RIDA: variants seen among roughly 807,000 people sequenced by gnomAD.
The protein encoded by RIDA is 2-iminobutanoate/2-iminopropanoate deaminase.
Under a neutral mutation model 17.8 loss-of-function variants are expected in RIDA, and 17 were observed. That is an observed-to-expected ratio of 0.96 (90% CI 0.65 to 1.43). The LOEUF (loss-of-function observed/expected upper bound fraction) is 1.43, where lower values mean the gene tolerates loss of function less well. Among genes scored for constraint, RIDA ranks in the 40% most tolerant of loss-of-function variants. The probability of loss-of-function intolerance (pLI) is 0.00; values close to 1 mark genes in which losing one functional copy is unlikely to be tolerated. For synonymous variants in RIDA, 48 were observed against 55.7 expected (o/e 0.86, Z 0.62); for missense variants, 158 against 161.7 (o/e 0.98, Z 0.12).
At chr8:98,108,054 G>A (rs569485819) in intron 2 of RIDA, among the ~76,000 whole-genome samples, 5 of 151,994 alleles carry the variant, frequency 3.3e-5, no homozygotes, top group African/African-American at 1.2e-4. Flanking sequence ...ACAGGTGTGA[G>A]CCATTGTGCC....
intron 4 of RIDA, 41 bp downstream of exon 4, chr8:98,105,897 T>G (rs751779049): frequency 7.8e-7 from 1 of 1,281,202 alleles, no homozygotes; most frequent in South Asian, 1.2e-5. Context: ...GATTTCTTTC[T>G]TTTTAAAAAT....
intron 2 of RIDA, among the ~76,000 whole-genome samples, chr8:98,106,842 A>G (rs1277271791): frequency 1.3e-5 from 2 of 152,192 alleles, no homozygotes; most frequent in Non-Finnish European, 2.9e-5. Context: ...ATATTTCATT[A>G]TATTCTTGTG....
At position 98,109,071 on chromosome 8, in the gene RIDA, G is replaced by A. The variant is rs557447798; in HGVS notation, c.66-320C>T. ...CAGCCAAGTATGGTGACGCACACCCGTAGTCCCAGCTACTCAGGAGGCTAG... is the reference window on the plus strand; with the variant it reads ...CAGCCAAGTATGGTGACGCACACCCATAGTCCCAGCTACTCAGGAGGCTAG... On this transcript the variant is annotated intron_variant, in intron 1 of 5. Coordinates refer to ENST00000254878, the MANE Select transcript of RIDA (RefSeq NM_005836.3). Among the ~76,000 whole-genome samples the A allele has an allele frequency of 1.8e-3, 271 of 152,132 alleles. 1 individual carries two copies. The highest frequency in any genetic ancestry group is 3.0e-3 in the Non-Finnish European group (205 of 67,994).
intron 2 of RIDA, among the ~76,000 whole-genome samples, chr8:98,107,834 A>G (rs892353214): frequency 6.6e-6 from 1 of 151,750 alleles, no homozygotes; most frequent in East Asian, 1.9e-4. Flanking sequence ...GAGTGGCACA[A>G]TCTCAGCTCA....
intron 1 of RIDA, among the ~76,000 whole-genome samples, chr8:98,115,882 G>A (rs181278515): frequency 5.7e-4 from 87 of 152,196 alleles, no homozygotes; most frequent in African/African-American, 2.0e-3. Context: ...ATAAAATGAA[G>A]TGAGCCATCT....
chr8:98,110,916 C>T (rs1180681723), intron 1 of RIDA, among the ~76,000 whole-genome samples: 1 of 152,162 alleles, frequency 6.6e-6, no homozygotes, highest in Non-Finnish European at 1.5e-5. Context: ...TCCTCCTACA[C>T]ATGTACACTC....
In RIDA at chr8:98,117,120, C is replaced by G. The variant is rs1563766606; in HGVS notation, c.-24G>C. On this transcript the variant is annotated 5_prime_UTR_variant, in exon 1 of 6. Transcript: ENST00000254878. ...ATGGCTAAGCCTTCCCTCTTGCAGC[C>G]CCTTCAGGAGAAGAAGCCCCAGCAC... 6.2e-7 allele frequency: 1 copy of G among 1,612,254 alleles called. No individual in the cohort carries two copies. Among genetic ancestry groups the G allele is most frequent in the East Asian group, 2.2e-5 (1 of 44,858 alleles).
chr8:98,114,491 ATT>A (rs34996191), intron 1 of RIDA, among the ~76,000 whole-genome samples: 2 of 142,212 alleles, frequency 1.4e-5, no homozygotes. Context: ...TACCCAGCTA[ATT>A]TTTTTTTTTT....
At chr8:98,105,838 G>T in intron 4 of RIDA, 100 bp downstream of exon 4, 2 of 703,170 alleles carry the variant, frequency 2.8e-6, no homozygotes, top group Non-Finnish European at 5.0e-6. Flanking sequence ...CATTTCTTTA[G>T]CATCTCCTAC....
chr8:98,111,398 A>G (rs1815724413), intron 1 of RIDA, among the ~76,000 whole-genome samples: 1 of 152,138 alleles, frequency 6.6e-6, no homozygotes, highest in Non-Finnish European at 1.5e-5. Flanking sequence ...ACTTGAGGCC[A>G]GGAGTTCAAG....
chr8:98,115,497 A>G (rs112843897), intron 1 of RIDA, among the ~76,000 whole-genome samples: 4,888 of 151,590 alleles, frequency 0.032, 295 homozygotes, highest in African/African-American at 0.11. Flanking sequence ...CATTAAGGAG[A>G]AAAAAAATCA....
At chr8:98,116,479 A>G (rs1264860022) in intron 1 of RIDA, among the ~76,000 whole-genome samples, 3 of 152,184 alleles carry the variant, frequency 2.0e-5, no homozygotes, top group Non-Finnish European at 4.4e-5. Flanking sequence ...TTATGATTCA[A>G]TTTATAGGAA....
At chr8:98,106,101 T>C in intron 3 of RIDA, 95 bp from the exon 4 acceptor site, 1 of 1,139,762 alleles carries the variant, frequency 8.8e-7, no homozygotes, top group African/African-American at 1.5e-5. Flanking sequence ...ACTGTCTTGA[T>C]TAAAATGGGA....
intron 5 of RIDA, among the ~76,000 whole-genome samples, chr8:98,103,786 G>A (rs1160812704): frequency 1.3e-5 from 2 of 151,820 alleles, no homozygotes; most frequent in South Asian, 2.1e-4. Context: ...ACAGGCGTCC[G>A]CCACCACACC....
intron 1 of RIDA, among the ~76,000 whole-genome samples, chr8:98,112,654 T>C (rs1184289547): frequency 6.6e-6 from 1 of 152,216 alleles, no homozygotes. Flanking sequence ...GGCCCACAAA[T>C]AGATAACTAC....
intron 1 of RIDA, among the ~76,000 whole-genome samples, chr8:98,112,189 A>C (rs1815737988): frequency 1.1e-5 from 1 of 87,816 alleles, no homozygotes; most frequent in African/African-American, 5.1e-5. Context: ...AAATAAAACT[A>C]TACTAAACAC....
rs571297850 is a variant in RIDA, at chr8:98,115,893, C to G, written c.65+1139G>C. Among the ~76,000 whole-genome samples, 5 of 152,092 alleles carry G rather than the reference C, an allele frequency of 3.3e-5. No homozygotes were observed. In the East Asian group the frequency reaches 9.6e-4, roughly 29 times the overall value. ...TTAAATAAAATGAAGTGAGCCATCT[C>G]AAAGAAATAGGTTAAGTAAATTATA... is the stretch of plus-strand genomic sequence containing the variant. On this transcript the variant is annotated intron_variant, in intron 1 of 5. Transcript: ENST00000254878.
intron 1 of RIDA, among the ~76,000 whole-genome samples, chr8:98,111,735 C>T (rs1815729961): frequency 6.6e-6 from 1 of 152,028 alleles, no homozygotes; most frequent in Non-Finnish European, 1.5e-5. Flanking sequence ...TCCAAACTTT[C>T]CTCTTTTATT....
At chr8:98,103,897 G>A (rs1586213642) in intron 5 of RIDA, among the ~76,000 whole-genome samples, 1 of 151,760 alleles carries the variant, frequency 6.6e-6, no homozygotes, top group African/African-American at 2.4e-5. Context: ...CTCGGCCTCC[G>A]AAAGCGCTGG....
Sources: gnomAD v4.1 joint callset for allele counts (sites outside exome capture counted in the v4.1 genomes callset) on GRCh38, gnomAD v4.1.1 for gene constraint, MANE v1.5 for transcripts, NCBI Gene and HGNC (gene_info 2026-07-23, HGNC 2026-07-21) for gene names.